TTC29: variants seen among roughly 807,000 people sequenced by gnomAD.
TTC29 encodes tetratricopeptide repeat domain 29.
TTC29 carries 49 observed loss-of-function variants against 58.1 expected under a neutral mutation model. The observed-to-expected ratio is 0.84, with a 90% confidence interval of 0.67 to 1.07. TTC29 has a LOEUF of 1.07. TTC29 is among the 50% of genes least tolerant of loss of function. The probability of loss-of-function intolerance (pLI) is 0.00; values close to 1 mark genes in which losing one functional copy is unlikely to be tolerated. For missense variants in TTC29, 582 were observed against 555.6 expected (o/e 1.05, Z -0.48); for synonymous variants, 209 against 196.8 (o/e 1.06, Z -0.52).
intron 6 of TTC29, among the ~76,000 whole-genome samples, chr4:146,893,332 C>G (rs988736967): frequency 1.2e-4 from 18 of 152,054 alleles, no homozygotes; most frequent in African/African-American, 4.1e-4. Context: ...CCAAAACAGA[C>G]ATATAGACCA....
At chr4:146,876,649 T>G (rs1027794765) in intron 6 of TTC29, among the ~76,000 whole-genome samples, 3 of 152,092 alleles carry the variant, frequency 2.0e-5, no homozygotes, top group Non-Finnish European at 4.4e-5. Context: ...AAAAATTCAG[T>G]AGACAGGCCA....
chr4:146,820,371 T>C, intron 9 of TTC29, 123 bp from the exon 10 acceptor site: 1 of 1,106,652 alleles, frequency 9.0e-7, no homozygotes, highest in Non-Finnish European at 1.3e-6. Flanking sequence ...TAAGATTTAA[T>C]GTGTAAATAC....
intron 4 of TTC29, among the ~76,000 whole-genome samples, chr4:146,910,587 G>C (rs1426870448): frequency 1.3e-5 from 2 of 152,118 alleles, no homozygotes; most frequent in Non-Finnish European, 2.9e-5. Context: ...AAAAACAACA[G>C]TGAGAAGTTT....
chr4:146,745,083 C>G (rs1407873971), intron 11 of TTC29, among the ~76,000 whole-genome samples: 1 of 152,210 alleles, frequency 6.6e-6, no homozygotes, highest in Non-Finnish European at 1.5e-5. Context: ...TAGACTACCA[C>G]CAGTTTCTAT....
At chr4:146,867,409 T>C (rs552289407) in intron 8 of TTC29, 89 bp downstream of exon 8, 2 of 599,238 alleles carry the variant, frequency 3.3e-6, no homozygotes, top group East Asian at 6.6e-5. Context: ...CTAACTCATT[T>C]CTATTGGCCT....
At chr4:146,753,620 C>T (rs544214724) in intron 11 of TTC29, among the ~76,000 whole-genome samples, 2 of 152,280 alleles carry the variant, frequency 1.3e-5, no homozygotes, top group African/African-American at 2.4e-5. Flanking sequence ...TTTATTGTGG[C>T]ATTATTCACA....
At chr4:146,839,229 C>T (rs944420560) in intron 8 of TTC29, among the ~76,000 whole-genome samples, 14 of 151,744 alleles carry the variant, frequency 9.2e-5, no homozygotes, top group Admixed American at 2.0e-4. Context: ...CAAATAAGCG[C>T]TAATATTTGA....
intron 11 of TTC29, among the ~76,000 whole-genome samples, chr4:146,712,676 C>G (rs1452237777): frequency 8.6e-5 from 13 of 152,002 alleles, no homozygotes; most frequent in Admixed American, 7.2e-4. Flanking sequence ...GCACATGCAA[C>G]TGGGATTTTG....
intron 9 of TTC29, among the ~76,000 whole-genome samples, chr4:146,825,930 C>A (rs775232105): frequency 6.2e-5 from 9 of 145,600 alleles, no homozygotes; most frequent in Non-Finnish European, 1.1e-4. Context: ...GCAACCCCTG[C>A]TTTTTTTTTT....
At chr4:146,768,958 A>C (rs1325671316) in intron 11 of TTC29, among the ~76,000 whole-genome samples, 1 of 152,060 alleles carries the variant, frequency 6.6e-6, no homozygotes, top group Admixed American at 6.6e-5. Flanking sequence ...TGTTCTGCAA[A>C]ATGCTATTAA....
At chr4:146,724,660 C>T (rs928469727) in intron 11 of TTC29, among the ~76,000 whole-genome samples, 2 of 151,838 alleles carry the variant, frequency 1.3e-5, no homozygotes, top group Non-Finnish European at 2.9e-5. Context: ...ATTACAGGTG[C>T]CCACCACCAC....
rs142536483 is a variant in TTC29 at position 146,932,171 on chromosome 4, C to T, written c.176+5423G>A. On this transcript the variant is annotated intron_variant, in intron 4 of 12. Transcript: ENST00000325106. ...TCTTCCCATCTGCATTCTCTGTAAT[C>T]GCTTATTTTTAAAAAAATTCATGAG... Among the ~76,000 whole-genome samples the T allele has an allele frequency of 1.1e-4, 17 of 152,184 alleles. No individual in the cohort carries two copies. In the East Asian group the frequency reaches 1.2e-3, roughly 10 times the overall value.
chr4:146,766,515 T>C (rs537262419), intron 11 of TTC29, among the ~76,000 whole-genome samples: 155 of 152,230 alleles, frequency 1.0e-3, no homozygotes, highest in African/African-American at 3.5e-3. Flanking sequence ...TAAATAATTA[T>C]TTAAATAATG....
chr4:146,853,653 A>T (rs1729652120), intron 8 of TTC29, among the ~76,000 whole-genome samples: 1 of 152,146 alleles, frequency 6.6e-6, no homozygotes, highest in Non-Finnish European at 1.5e-5. Context: ...ATTACTAATT[A>T]TTTCCCTTAG....
rs556622383 is a variant in TTC29, at chr4:146,827,461, C to A, written c.977+6345G>T. Among the ~76,000 whole-genome samples the A allele has an allele frequency of 3.9e-5, 6 of 152,248 alleles. No homozygotes were observed. In the East Asian group the frequency reaches 1.2e-3, roughly 29 times the overall value. On this transcript the variant is annotated intron_variant, in intron 9 of 12. Coordinates refer to ENST00000325106, the MANE Select transcript of TTC29 (RefSeq NM_031956.4). ...AGGGTTATCTCCTTGCATAACCTCC[C>A]AAGGTTTGGAAAACATTCATTTTCA...
intron 4 of TTC29, among the ~76,000 whole-genome samples, chr4:146,928,457 A>T (rs1332338847): frequency 2.0e-5 from 3 of 152,226 alleles, no homozygotes; most frequent in Non-Finnish European, 4.4e-5. Context: ...TTGCAAGAAG[A>T]TGAATTTCAA....
At chr4:146,880,556 C>A (rs987044130) in intron 6 of TTC29, among the ~76,000 whole-genome samples, 2 of 152,078 alleles carry the variant, frequency 1.3e-5, no homozygotes, top group Admixed American at 6.6e-5. Flanking sequence ...TTGTTGCTTA[C>A]CCTCTTCCCT....
At chr4:146,721,331 C>T (rs966037948) in intron 11 of TTC29, among the ~76,000 whole-genome samples, 3 of 152,110 alleles carry the variant, frequency 2.0e-5, no homozygotes, top group African/African-American at 4.8e-5. Flanking sequence ...TCAAAGTGCA[C>T]ACGATACAAA....
At chr4:146,933,039 C>T (rs548343652) in intron 4 of TTC29, among the ~76,000 whole-genome samples, 21 of 146,936 alleles carry the variant, frequency 1.4e-4, no homozygotes, top group African/African-American at 4.3e-4. Flanking sequence ...GTCTGGGTGA[C>T]AGACCGAGAC....
Sources: allele counts gnomAD v4.1 joint callset (sites outside exome capture counted in the v4.1 genomes callset), GRCh38; gene constraint gnomAD v4.1.1; transcripts MANE v1.5; gene names NCBI Gene and HGNC (gene_info 2026-07-23, HGNC 2026-07-21).